The following MGAT4D variants were observed in gnomAD, a reference collection of about 807,000 sequenced individuals.
MGAT4D encodes alpha-1,3-mannosyl-glycoprotein 4-beta-N-acetylglucosaminyltransferase-like protein MGAT4D.
A neutral mutation model predicts 15.9 loss-of-function variants in MGAT4D; 34 were observed. The ratio of observed to expected loss-of-function variants is 2.14; its 90% CI spans 1.62 to 2.84. The LOEUF (loss-of-function observed/expected upper bound fraction) is 2.84, where lower values mean the gene tolerates loss of function less well. Among genes scored for constraint, MGAT4D ranks in the 30% most tolerant of loss-of-function variants. The probability of loss-of-function intolerance (pLI) is 0.00; values close to 1 mark genes in which losing one functional copy is unlikely to be tolerated. For synonymous variants in MGAT4D, 112 were observed against 48.2 expected (o/e 2.33, Z -5.49); for missense variants, 327 against 140.2 (o/e 2.33, Z -6.73).
intron 1 of MGAT4D, among the ~76,000 whole-genome samples, chr4:140,487,375 A>C (rs1042690265): frequency 1.3e-5 from 2 of 152,178 alleles, no homozygotes; most frequent in African/African-American, 4.8e-5. Flanking sequence ...TCCAGGCTAG[A>C]TCCTAAGTGC....
chr4:140,494,400 C>T (rs1410632233), intron 1 of MGAT4D, among the ~76,000 whole-genome samples: 1 of 152,186 alleles, frequency 6.6e-6, no homozygotes, highest in Non-Finnish European at 1.5e-5. Flanking sequence ...TGGTTTAGCT[C>T]TTTCAGTTTT....
At chr4:140,483,288 A>G (rs1269979907) in intron 1 of MGAT4D, among the ~76,000 whole-genome samples, 1 of 152,192 alleles carries the variant, frequency 6.6e-6, no homozygotes, top group African/African-American at 2.4e-5. Flanking sequence ...AATGGCAACA[A>G]TAAAATACTT....
intron 10 of MGAT4D, among the ~76,000 whole-genome samples, chr4:140,448,728 GC>G (rs1456415593): frequency 6.6e-6 from 1 of 152,148 alleles, no homozygotes. Flanking sequence ...CTGATTAAGA[GC>G]CTTTGCTAGA....
At chr4:140,448,034 C>T (rs1486982659) in intron 10 of MGAT4D, among the ~76,000 whole-genome samples, 2 of 152,150 alleles carry the variant, frequency 1.3e-5, no homozygotes, top group African/African-American at 2.4e-5. Context: ...ATATAGGCCT[C>T]CAATCTCTTC....
chr4:140,456,742 A>G, intron 8 of MGAT4D, 23 bp from the exon 9 acceptor site: 1 of 637,254 alleles, frequency 1.6e-6, no homozygotes. Flanking sequence ...ATACAATTAG[A>G]TGCAAATAAT....
intron 5 of MGAT4D, among the ~76,000 whole-genome samples, chr4:140,465,734 T>C (rs1731490787): frequency 6.6e-6 from 1 of 152,218 alleles, no homozygotes; most frequent in African/African-American, 2.4e-5. Context: ...TATTTTGTAC[T>C]ACATAAAAAA....
intron 10 of MGAT4D, among the ~76,000 whole-genome samples, chr4:140,446,602 T>C (rs1730138069): frequency 6.6e-6 from 1 of 151,998 alleles, no homozygotes; most frequent in African/African-American, 2.4e-5. Context: ...TATGTCTTAT[T>C]AATTTCTTTG....
chr4:140,494,768 A>G (rs954247450), intron 1 of MGAT4D, among the ~76,000 whole-genome samples: 5 of 152,192 alleles, frequency 3.3e-5, no homozygotes, highest in Non-Finnish European at 7.3e-5. Context: ...AGACACTGTC[A>G]CAACGGGAGA....
chr4:140,464,605 G>A (rs930510860), intron 6 of MGAT4D, among the ~76,000 whole-genome samples: 1 of 152,136 alleles, frequency 6.6e-6, no homozygotes, highest in African/African-American at 2.4e-5. Flanking sequence ...GACCATCAGT[G>A]GTGTGCTGGT....
At chr4:140,471,137 C>T (rs1184144711) in intron 5 of MGAT4D, among the ~76,000 whole-genome samples, 5 of 152,118 alleles carry the variant, frequency 3.3e-5, no homozygotes, top group African/African-American at 1.2e-4. Flanking sequence ...AGCAATCCAC[C>T]CACCTTGGCC....
intron 1 of MGAT4D, among the ~76,000 whole-genome samples, chr4:140,492,049 T>C (rs2126874247): frequency 6.6e-6 from 1 of 152,258 alleles, no homozygotes; most frequent in Middle Eastern, 3.4e-3. Flanking sequence ...TTCACTATAG[T>C]AATATATAGC....
chr4:140,465,037 T>A, intron 5 of MGAT4D, 28 bp from the exon 6 acceptor site: 1 of 676,796 alleles, frequency 1.5e-6, no homozygotes. Flanking sequence ...TGCAGACTTA[T>A]AATTGAATAT....
At chr4:140,484,349 T>C (rs1032348039) in intron 1 of MGAT4D, among the ~76,000 whole-genome samples, 8 of 152,150 alleles carry the variant, frequency 5.3e-5, no homozygotes, top group Non-Finnish European at 7.4e-5. Context: ...ATCTCACACC[T>C]GTTAGAATGG....
In MGAT4D at chr4:140,456,604, G is replaced by A. The variant is rs1020260611; in HGVS notation, c.993C>T (p.Asp331=). 1.5e-5 allele frequency: 10 copies of A among 671,238 alleles called. No individual in the cohort carries two copies. The highest frequency in any genetic ancestry group is 7.2e-5 in the African/African-American group (4 of 55,794). The allele number at this position is 671,238 out of a possible 1,614,324, so 41.6% of individuals were successfully genotyped here. ...AAATACTCACAAGATCTTCTCCTGC[G>A]TCACACACCTTTACCTGAAAAATGT... ...LNDIFQVKVC[D]AGEDLRNCMK... is the part of the protein sequence containing the mutation. The change falls in exon 9 of 11, where the codon GAC becomes GAT. Residue 331 remains aspartate (D), a synonymous_variant. Coordinates refer to ENST00000511113, the MANE Select transcript of MGAT4D (RefSeq NM_001277353.2).
At chr4:140,475,807 C>CTTTTT (rs10711919) in intron 3 of MGAT4D, among the ~76,000 whole-genome samples, 102 of 105,398 alleles carry the variant, frequency 9.7e-4, no homozygotes, top group Non-Finnish European at 1.2e-3. Flanking sequence ...TATTGGCTTT[C>CTTTTT]TTTTTTTTTT....
intron 10 of MGAT4D, among the ~76,000 whole-genome samples, chr4:140,448,584 T>C (rs997375008): frequency 1.3e-5 from 2 of 152,250 alleles, no homozygotes; most frequent in Non-Finnish European, 2.9e-5. Context: ...GGTTATTTTA[T>C]CTGTCAGCTC....
At chr4:140,463,438 A>T (rs1731325571) in intron 6 of MGAT4D, among the ~76,000 whole-genome samples, 1 of 152,048 alleles carries the variant, frequency 6.6e-6, no homozygotes, top group Non-Finnish European at 1.5e-5. Context: ...GGGGTGAGGC[A>T]TGAGAGCCCT....
chr4:140,466,961 G>C (rs966096666), intron 5 of MGAT4D, among the ~76,000 whole-genome samples: 4 of 151,912 alleles, frequency 2.6e-5, no homozygotes, highest in Non-Finnish European at 5.9e-5. Context: ...CTAACTTCAA[G>C]GAAGTAATTT....
intron 4 of MGAT4D, among the ~76,000 whole-genome samples, chr4:140,472,679 A>G (rs1732048345): frequency 6.6e-6 from 1 of 152,188 alleles, no homozygotes; most frequent in African/African-American, 2.4e-5. Flanking sequence ...CGTCAAAGTC[A>G]TATTTCGTAA....
Sources: gnomAD v4.1 joint callset for allele counts (sites outside exome capture counted in the v4.1 genomes callset) on GRCh38, gnomAD v4.1.1 for gene constraint, MANE v1.5 for transcripts, NCBI Gene and HGNC (gene_info 2026-07-23, HGNC 2026-07-21) for gene names.